The following IQSEC1 variants were observed in gnomAD, a reference collection of about 807,000 sequenced individuals.
The protein encoded by IQSEC1 is IQ motif and Sec7 domain ArfGEF 1.
IQSEC1 carries 31 observed loss-of-function variants against 91.0 expected under a neutral mutation model. That is an observed-to-expected ratio of 0.34 (90% CI 0.26 to 0.46). IQSEC1 has a LOEUF of 0.46. IQSEC1 is among the 20% of genes least tolerant of loss of function. The pLI is 1.00. For missense variants in IQSEC1, 1,388 were observed against 1,575.6 expected, an observed-to-expected ratio of 0.88 and a Z score of 2.02; for synonymous variants, 699 against 662.6, an observed-to-expected ratio of 1.05 and a Z score of -0.84.
At chr3:13,137,746 G>A (rs116593787) in intron 2 of IQSEC1, among the ~76,000 whole-genome samples, 25 of 152,272 alleles carry the variant, frequency 1.6e-4, no homozygotes, top group South Asian at 1.0e-3. Context: ...TCGCTTGAGC[G>A]CAGGAGTTGA....
At chr3:13,182,588 A>C (rs567731645) in intron 1 of IQSEC1, among the ~76,000 whole-genome samples, 3 of 152,296 alleles carry the variant, frequency 2.0e-5, no homozygotes, top group African/African-American at 7.2e-5. Flanking sequence ...TGGGTGGGTG[A>C]ATGGAAACCT....
chr3:13,006,969 C>T (rs1042225604), intron 1 of IQSEC1, among the ~76,000 whole-genome samples: 50 of 152,358 alleles, frequency 3.3e-4, no homozygotes, highest in African/African-American at 1.0e-3. Context: ...GCTCTGCTAC[C>T]GGCGGGTATC....
chr3:13,204,063 G>A (rs931726473), intron 1 of IQSEC1, among the ~76,000 whole-genome samples: 3 of 152,224 alleles, frequency 2.0e-5, no homozygotes, highest in African/African-American at 4.8e-5. Context: ...CCAGGGTGGG[G>A]CTGTCCGGCC....
At chr3:13,120,919 A>C (rs1237880031) in intron 2 of IQSEC1, among the ~76,000 whole-genome samples, 1 of 152,212 alleles carries the variant, frequency 6.6e-6, no homozygotes, top group African/African-American at 2.4e-5. Context: ...TAGGGATTAA[A>C]TATGGCCTCG....
At chr3:12,961,431 C>T (rs759481280) in intron 1 of IQSEC1, among the ~76,000 whole-genome samples, 4 of 152,246 alleles carry the variant, frequency 2.6e-5, no homozygotes, top group Non-Finnish European at 4.4e-5. Context: ...TTTCTTAATA[C>T]CCTTAACCAT....
At chr3:13,113,169 G>A (rs1706277520) in intron 2 of IQSEC1, among the ~76,000 whole-genome samples, 1 of 152,226 alleles carries the variant, frequency 6.6e-6, no homozygotes, top group South Asian at 2.1e-4. Context: ...AGGTCACACA[G>A]CTTGGGGGAA....
At chr3:13,278,310 C>T (rs916105902) in intron 1 of IQSEC1, among the ~76,000 whole-genome samples, 18 of 152,202 alleles carry the variant, frequency 1.2e-4, no homozygotes, top group African/African-American at 4.3e-4. Flanking sequence ...TTTGGAAGAT[C>T]AAAGGCTGGA....
chr3:13,248,293 C>T (rs1023173390), intron 1 of IQSEC1, among the ~76,000 whole-genome samples: 1 of 152,228 alleles, frequency 6.6e-6, no homozygotes, highest in Non-Finnish European at 1.5e-5. Context: ...GTTCTGGCTA[C>T]ACCACTGCCT....
At chr3:13,046,043 C>A (rs2125051901) in intron 1 of IQSEC1, among the ~76,000 whole-genome samples, 1 of 152,296 alleles carries the variant, frequency 6.6e-6, no homozygotes, top group South Asian at 2.1e-4. Context: ...ATGCAATGGG[C>A]ATATGAGGAA....
chr3:13,020,180 A>G (rs1703334901), intron 1 of IQSEC1, among the ~76,000 whole-genome samples: 1 of 152,186 alleles, frequency 6.6e-6, no homozygotes. Flanking sequence ...AGAGCTCACC[A>G]AAGTCCAGGA....
At chr3:13,234,706 G>A (rs111456895) in intron 1 of IQSEC1, among the ~76,000 whole-genome samples, 4 of 152,212 alleles carry the variant, frequency 2.6e-5, no homozygotes, top group South Asian at 4.2e-4. Context: ...ACACAAGATC[G>A]GATTTTCTTC....
chr3:12,996,211 T>G (rs1442055215), intron 1 of IQSEC1, among the ~76,000 whole-genome samples: 1 of 152,096 alleles, frequency 6.6e-6, no homozygotes, highest in Non-Finnish European at 1.5e-5. Context: ...ATAAGATGCT[T>G]GTAGTTTTAA....
At chr3:13,178,933 C>A (rs1693786014) in intron 1 of IQSEC1, among the ~76,000 whole-genome samples, 1 of 152,126 alleles carries the variant, frequency 6.6e-6, no homozygotes, top group Admixed American at 6.5e-5. Context: ...TTCGGTCATC[C>A]CAAAAAAGTA....
chr3:13,099,321 G>A (rs998655712), intron 2 of IQSEC1, among the ~76,000 whole-genome samples: 9 of 152,328 alleles, frequency 5.9e-5, no homozygotes, highest in African/African-American at 2.2e-4. Flanking sequence ...GGGCAAATGA[G>A]GTTTCGGGTG....
rs774039983 is a variant in IQSEC1 at position 12,987,442 on chromosome 3, C to CAG, written c.24-45579_24-45578dup. 5.6e-4 allele frequency among the ~76,000 whole-genome samples: 84 copies of CAG among 150,502 alleles called. 2 individuals carry two copies. The East Asian group carries it at 7.2e-3, about 13-fold the overall frequency. ...TGCATGTGCACACATGTGCATGTGTCAGAGAGAGAGAGAGAGACCGTAGAT... is the reference window on the plus strand; with the variant it reads ...TGCATGTGCACACATGTGCATGTGTCAGAGAGAGAGAGAGAGAGACCGTAGAT... On this transcript the variant is annotated intron_variant, in intron 1 of 13. Transcript: ENST00000613206.
chr3:13,139,308 C>A (rs1307235963), intron 2 of IQSEC1, among the ~76,000 whole-genome samples: 1 of 152,184 alleles, frequency 6.6e-6, no homozygotes, highest in Non-Finnish European at 1.5e-5. Context: ...TATTTTGTAA[C>A]AGAAAGATCC....
intron 2 of IQSEC1, among the ~76,000 whole-genome samples, chr3:13,089,165 C>T (rs1448038571): frequency 6.6e-6 from 1 of 152,266 alleles, no homozygotes; most frequent in African/African-American, 2.4e-5. Flanking sequence ...TGGCCTTTTA[C>T]TTTAGCACTT....
chr3:12,947,667 G>A (rs1021419775), intron 1 of IQSEC1, among the ~76,000 whole-genome samples: 1 of 152,150 alleles, frequency 6.6e-6, no homozygotes, highest in African/African-American at 2.4e-5. Flanking sequence ...CCTGGTGGTG[G>A]GACAGGCCAA....
intron 1 of IQSEC1, among the ~76,000 whole-genome samples, chr3:13,265,581 G>A (rs1282957990): frequency 6.6e-6 from 1 of 152,042 alleles, no homozygotes; most frequent in Non-Finnish European, 1.5e-5. Flanking sequence ...GTCCAGGCTG[G>A]GTGGGACAGT....
Sources: allele counts gnomAD v4.1 joint callset (sites outside exome capture counted in the v4.1 genomes callset), GRCh38; gene constraint gnomAD v4.1.1; transcripts MANE v1.5; gene names NCBI Gene and HGNC (gene_info 2026-07-23, HGNC 2026-07-21).